Variants in LPAR6 observed in about 807,000 individuals in gnomAD.
The protein encoded by LPAR6 is lysophosphatidic acid receptor 6, also known as G-protein coupled purinergic receptor P2Y5.
A neutral mutation model predicts 22.0 loss-of-function variants in LPAR6; 17 were observed. That is an observed-to-expected ratio of 0.77 (90% CI 0.53 to 1.16). LPAR6 has a LOEUF of 1.16. Among genes scored for constraint, LPAR6 ranks in the 50% most tolerant of loss-of-function variants. LPAR6 has a pLI of 0.00. For missense variants in LPAR6, 384 were observed against 406.9 expected (o/e 0.94, Z 0.48); for synonymous variants, 136 against 139.8 (o/e 0.97, Z 0.19).
downstream of LPAR6, among the ~76,000 whole-genome samples, chr13:48,410,554 T>G (rs1011752108): frequency 2.0e-5 from 3 of 152,222 alleles, no homozygotes; most frequent in African/African-American, 7.2e-5. Context: ...CCTAACATAC[T>G]TAAAACATAA....
rs1345500283 is a variant in LPAR6, at chr13:48,440,234, C to T, written c.-1474+4319G>A. ...AGCCATATCAGGAAATAGGAGTTTACAGTATAAAATATAACCGAAAACTAA... is the reference window on the plus strand; with the variant it reads ...AGCCATATCAGGAAATAGGAGTTTATAGTATAAAATATAACCGAAAACTAA... On this transcript the variant is annotated intron_variant, in intron 1 of 6. Transcript: ENST00000378434. Among the ~76,000 whole-genome samples, 3 of 152,102 alleles carry T rather than the reference C, an allele frequency of 2.0e-5. No homozygotes were observed. In the East Asian group the frequency reaches 5.8e-4, roughly 29 times the overall value.
intron 1 of LPAR6, among the ~76,000 whole-genome samples, chr13:48,439,154 TTGA>T (rs1377619273): frequency 6.6e-6 from 1 of 152,204 alleles, no homozygotes; most frequent in Non-Finnish European, 1.5e-5. Context: ...AGACTTGGGT[TTGA>T]ATCACTGCTC....
intron 1 of LPAR6, among the ~76,000 whole-genome samples, chr13:48,434,343 T>C (rs769568884): frequency 1.7e-4 from 26 of 152,098 alleles, no homozygotes; most frequent in Non-Finnish European, 1.5e-4. Flanking sequence ...TCAGTCTTGA[T>C]AATAAAAACG....
At chr13:48,390,688 CT>C (rs1742813554) in intron 1 of LPAR6, among the ~76,000 whole-genome samples, 1 of 152,016 alleles carries the variant, frequency 6.6e-6, no homozygotes, top group Non-Finnish European at 1.5e-5. Context: ...ATGAATTTAC[CT>C]CTTTAATCAT....
chr13:48,398,912 A>G (rs1414018688), intron 1 of LPAR6, among the ~76,000 whole-genome samples: 1 of 152,132 alleles, frequency 6.6e-6, no homozygotes, highest in Admixed American at 6.6e-5. Flanking sequence ...GGGAAAAGTA[A>G]CATTTGTTGA....
intron 1 of LPAR6, among the ~76,000 whole-genome samples, chr13:48,391,118 C>A (rs948485406): frequency 1.4e-4 from 22 of 152,026 alleles, no homozygotes; most frequent in African/African-American, 4.8e-4. Context: ...GTCTATACTT[C>A]TTTATTTTGT....
chr13:48,412,476 T>C lies in LPAR6; in HGVS notation c.-53A>G. The C allele has an allele frequency of 8.6e-7, 1 of 1,158,670 alleles. No homozygotes were observed. The highest frequency in any genetic ancestry group is 1.2e-5 in the South Asian group (1 of 81,902). The allele number at this position is 1,158,670 out of a possible 1,614,324, so 71.8% of individuals were successfully genotyped here. A position where few individuals can be genotyped will look rare whatever the true frequency, so the allele number is the denominator to read the frequency against. ...GGAAGCACTTTCATCAGCTGCAGTC[T>C]CCTTTGGGATTCAGATTATAACCTC... On this transcript the variant is annotated 5_prime_UTR_variant, in exon 1 of 1. Transcript: ENST00000620633.
At chr13:48,431,915 T>A (rs1566224224) in intron 1 of LPAR6, among the ~76,000 whole-genome samples, 1 of 152,180 alleles carries the variant, frequency 6.6e-6, no homozygotes, top group African/African-American at 2.4e-5. Flanking sequence ...TAGCAAAATA[T>A]TTATTGAGTG....
intron 1 of LPAR6, among the ~76,000 whole-genome samples, chr13:48,394,380 G>A (rs1948632197): frequency 6.6e-6 from 1 of 152,156 alleles, no homozygotes; most frequent in South Asian, 2.1e-4. Flanking sequence ...CTCCAGTGGT[G>A]CCTGGAATGA....
chr13:48,433,446 A>T (rs543966851), intron 1 of LPAR6, among the ~76,000 whole-genome samples: 128 of 152,284 alleles, frequency 8.4e-4, no homozygotes, highest in Non-Finnish European at 1.5e-3. Flanking sequence ...TTTGTAACTT[A>T]AAAGAGCTTT....
rs146653159 is a variant in LPAR6 at position 48,434,584 on chromosome 13, T to C, written c.-1474+9969A>G. Among the ~76,000 whole-genome samples, 394 of 152,226 alleles carry C rather than the reference T, an allele frequency of 2.6e-3. 1 individual carries two copies. The highest frequency in any genetic ancestry group is 9.0e-3 in the African/African-American group (375 of 41,524). On this transcript the variant is annotated intron_variant, in intron 1 of 6. Transcript: ENST00000378434. The stretch of plus-strand genomic sequence containing the variant: ...TCTTTAACCCTACAGCCGAGACTCT[T>C]TCTCAGCCCAGGAACACCAGGCCTG...
At chr13:48,410,176 A>G (rs917977216), downstream of LPAR6, among the ~76,000 whole-genome samples, 2 of 152,224 alleles carry the variant, frequency 1.3e-5, no homozygotes, top group African/African-American at 4.8e-5. Flanking sequence ...ATTTACAGTC[A>G]TGCATCACGT....
chr13:48,440,549 C>T (rs1340094436), intron 1 of LPAR6, among the ~76,000 whole-genome samples: 2 of 152,104 alleles, frequency 1.3e-5, no homozygotes, highest in African/African-American at 2.4e-5. Flanking sequence ...TAGTATTTGG[C>T]TTCATATATA....
At chr13:48,432,742 CGT>C (rs1314560542) in intron 1 of LPAR6, among the ~76,000 whole-genome samples, 1 of 151,420 alleles carries the variant, frequency 6.6e-6, no homozygotes, top group Non-Finnish European at 1.5e-5. Context: ...CTTGAGTAAG[CGT>C]ACAGGAATAT....
chr13:48,425,343 A>G (rs1593504903), intron 1 of LPAR6, among the ~76,000 whole-genome samples: 1 of 152,210 alleles, frequency 6.6e-6, no homozygotes, highest in Admixed American at 6.5e-5. Context: ...CCATTCTCTC[A>G]AGGATGCTAT....
At chr13:48,442,565 GT>G (rs990017376) in intron 1 of LPAR6, among the ~76,000 whole-genome samples, 4 of 152,052 alleles carry the variant, frequency 2.6e-5, no homozygotes, top group Non-Finnish European at 4.4e-5. Flanking sequence ...CTTTAACAAG[GT>G]TTTTTTCCTG....
At position 48,411,385 on chromosome 13, in the gene LPAR6, T is replaced by C. The variant is rs187023731; in HGVS notation, c.*4A>G. 1,452 of 1,608,580 alleles carry C rather than the reference T, an allele frequency of 9.0e-4. 6 individuals are homozygous for C. The African/African-American group carries it at 0.016, about 17-fold the overall frequency. ...CTGTCCCAGTGAGTCCTAATGGTTT[T>C]ATTTCAGGCAGCAGATTCATTGTCA... On this transcript the variant is annotated 3_prime_UTR_variant, in exon 1 of 1. Coordinates refer to ENST00000620633, the MANE Select transcript of LPAR6 (RefSeq NM_001162498.3).
upstream of LPAR6, among the ~76,000 whole-genome samples, chr13:48,415,312 C>T (rs1301936752): frequency 6.7e-6 from 1 of 149,880 alleles, no homozygotes; most frequent in East Asian, 2.0e-4. Context: ...TTTTTTCTCA[C>T]TCTGCCGCCC....
intron 1 of LPAR6, among the ~76,000 whole-genome samples, chr13:48,400,683 T>C (rs1436738763): frequency 6.6e-6 from 1 of 152,158 alleles, no homozygotes; most frequent in Admixed American, 6.6e-5. Context: ...TTGGTGTGGT[T>C]CTGAACAAAT....
Sources: allele counts gnomAD v4.1 joint callset (sites outside exome capture counted in the v4.1 genomes callset), GRCh38; gene constraint gnomAD v4.1.1; transcripts MANE v1.5; gene names NCBI Gene and HGNC (gene_info 2026-07-23, HGNC 2026-07-21).